Variants in CA1 observed in about 807,000 individuals in gnomAD.
CA1 encodes carbonic anhydrase 1.
In CA1, 27 loss-of-function variants were observed where a neutral mutation model predicts 28.8. That is an observed-to-expected ratio of 0.94 (90% CI 0.69 to 1.29). CA1 has a LOEUF of 1.29. CA1 is among the 50% of genes most tolerant of loss of function. The pLI, the probability that CA1 is intolerant of heterozygous loss-of-function variation, is 0.00. For synonymous variants in CA1, 121 were observed against 108.8 expected, an observed-to-expected ratio of 1.11 and a Z score of -0.70; for missense variants, 335 against 310.5, an observed-to-expected ratio of 1.08 and a Z score of -0.59.
intron 7 of CA1, among the ~76,000 whole-genome samples, chr8:85,328,891 A>AT (rs1237549152): frequency 1.3e-5 from 2 of 151,854 alleles, no homozygotes; most frequent in Non-Finnish European, 2.9e-5. Flanking sequence ...AATTAAATCA[A>AT]TTAAATAAAG....
At chr8:85,361,915 G>C (rs983201452) in intron 1 of CA1, among the ~76,000 whole-genome samples, 6 of 152,154 alleles carry the variant, frequency 3.9e-5, no homozygotes, top group Admixed American at 6.5e-5. Context: ...ATGGTATTGA[G>C]TTTATGGCAG....
intron 7 of CA1, among the ~76,000 whole-genome samples, chr8:85,329,387 T>A (rs1422939419): frequency 2.0e-5 from 3 of 152,178 alleles, no homozygotes; most frequent in Non-Finnish European, 4.4e-5. Flanking sequence ...AAATGTCCAG[T>A]CACAGTTTTT....
chr8:85,345,891 T>A (rs1205409807), intron 1 of CA1, among the ~76,000 whole-genome samples: 1 of 152,212 alleles, frequency 6.6e-6, no homozygotes, highest in Non-Finnish European at 1.5e-5. Flanking sequence ...TTTGTAAGTG[T>A]CAAAATCTAA....
intron 1 of CA1, among the ~76,000 whole-genome samples, chr8:85,344,819 T>A (rs959077668): frequency 6.6e-6 from 1 of 152,172 alleles, no homozygotes; most frequent in African/African-American, 2.4e-5. Flanking sequence ...TGCTCTACAA[T>A]GCTTAGAGTT....
chr8:85,328,504 T>A lies in CA1; in HGVS notation c.*56A>T. ...TCTTAAAAATTATTATTTTACTGGA[T>A]TATGTCAGAAGCAGGGCTGTGTTCT... On this transcript the variant is annotated 3_prime_UTR_variant, in exon 8 of 8. Transcript: ENST00000523022. The A allele has an allele frequency of 2.2e-6, 2 of 916,826 alleles. No individual in the cohort carries two copies. The highest frequency in any genetic ancestry group is 2.7e-5 in the South Asian group (2 of 73,918). 56.8% of individuals were successfully genotyped at this position (916,826 alleles called of 1,614,324 possible). A position where few individuals can be genotyped will look rare whatever the true frequency, so the allele number is the denominator to read the frequency against.
rs73267589 is a variant in CA1, at chr8:85,358,653, T to G, written c.-24-16994A>C. On this transcript the variant is annotated intron_variant, in intron 1 of 7. Coordinates refer to ENST00000523022, the MANE Select transcript of CA1 (RefSeq NM_001128831.4). ...TCCTGCCTTCTGGTATCCATACCCT[T>G]TTGTAGTCTCCTCCCTTACTGACTC... 2.0e-3 allele frequency among the ~76,000 whole-genome samples: 303 copies of G among 152,300 alleles called. 1 individual carries two copies. Among genetic ancestry groups the G allele is most frequent in the African/African-American group, 6.9e-3 (286 of 41,578 alleles).
At chr8:85,358,418 T>G (rs1809679947) in intron 1 of CA1, among the ~76,000 whole-genome samples, 1 of 152,232 alleles carries the variant, frequency 6.6e-6, no homozygotes, top group Non-Finnish European at 1.5e-5. Context: ...TTTCTAGTTT[T>G]GCATGTATTT....
chr8:85,372,269 C>T (rs550728908), intron 1 of CA1, among the ~76,000 whole-genome samples: 11 of 152,060 alleles, frequency 7.2e-5, no homozygotes, highest in South Asian at 2.1e-4. Flanking sequence ...ACTCATCAGA[C>T]GGCTACTATG....
At chr8:85,370,020 C>T (rs938464462) in intron 1 of CA1, among the ~76,000 whole-genome samples, 2 of 152,088 alleles carry the variant, frequency 1.3e-5, no homozygotes, top group African/African-American at 4.8e-5. Context: ...TGACACCAAA[C>T]CTTTCAGAAT....
intron 1 of CA1, among the ~76,000 whole-genome samples, chr8:85,364,206 T>C (rs776386889): frequency 4.6e-5 from 7 of 152,178 alleles, no homozygotes; most frequent in Non-Finnish European, 7.3e-5. Flanking sequence ...TGCTGCTCTT[T>C]AATGTGAAAT....
intron 3 of CA1, among the ~76,000 whole-genome samples, chr8:85,337,372 C>T (rs1808705925): frequency 6.6e-6 from 1 of 152,184 alleles, no homozygotes; most frequent in African/African-American, 2.4e-5. Flanking sequence ...CATTACAGGG[C>T]TGTCCTTGAA....
chr8:85,346,134 C>A (rs1487226818), intron 1 of CA1, among the ~76,000 whole-genome samples: 1 of 152,130 alleles, frequency 6.6e-6, no homozygotes, highest in East Asian at 1.9e-4. Context: ...CAGTGTCTTA[C>A]AATTTCAGGC....
chr8:85,366,311 C>T (rs1810006394), intron 1 of CA1, among the ~76,000 whole-genome samples: 1 of 151,972 alleles, frequency 6.6e-6, no homozygotes, highest in Non-Finnish European at 1.5e-5. Flanking sequence ...CTGTGTGCTA[C>T]CCATCATGCT....
intron 1 of CA1, among the ~76,000 whole-genome samples, chr8:85,347,412 T>C (rs929649911): frequency 6.6e-6 from 1 of 152,234 alleles, no homozygotes; most frequent in East Asian, 1.9e-4. Flanking sequence ...CCTCACAATC[T>C]AATTACCAAG....
intron 1 of CA1, among the ~76,000 whole-genome samples, chr8:85,368,688 C>CT (rs893618055): frequency 4.0e-5 from 6 of 151,436 alleles, no homozygotes; most frequent in Admixed American, 3.3e-4. Flanking sequence ...TAAAATTAAA[C>CT]TTTTTTTTGG....
chr8:85,350,396 G>A (rs903025000), intron 1 of CA1, among the ~76,000 whole-genome samples: 1 of 152,150 alleles, frequency 6.6e-6, no homozygotes, highest in Admixed American at 6.5e-5. Context: ...AAACCCCAGG[G>A]TTATGAGTGA....
intron 1 of CA1, among the ~76,000 whole-genome samples, chr8:85,361,628 C>T (rs1288453194): frequency 2.0e-5 from 3 of 152,088 alleles, no homozygotes; most frequent in African/African-American, 7.2e-5. Context: ...AGTGAGCCAT[C>T]ACACCACTGC....
intron 1 of CA1, among the ~76,000 whole-genome samples, chr8:85,362,313 T>C (rs1809828477): frequency 6.6e-6 from 1 of 152,232 alleles, no homozygotes; most frequent in Admixed American, 6.5e-5. Context: ...TTTAATCACA[T>C]CTGTGAAGTC....
chr8:85,346,986 C>T (rs1045044859), intron 1 of CA1, among the ~76,000 whole-genome samples: 1 of 152,058 alleles, frequency 6.6e-6, no homozygotes, highest in Non-Finnish European at 1.5e-5. Flanking sequence ...GAGATAAGTT[C>T]TCAAGTGTAA....
Sources: gnomAD v4.1 joint callset for allele counts (sites outside exome capture counted in the v4.1 genomes callset) on GRCh38, gnomAD v4.1.1 for gene constraint, MANE v1.5 for transcripts, NCBI Gene and HGNC (gene_info 2026-07-23, HGNC 2026-07-21) for gene names.